The following FER1L6 variants were observed in gnomAD, a reference collection of about 807,000 sequenced individuals.
The protein encoded by FER1L6 is fer-1-like protein 6.
Under a neutral mutation model 219.2 loss-of-function variants are expected in FER1L6, and 177 were observed. The observed-to-expected ratio is 0.81, with a 90% confidence interval of 0.71 to 0.91. The LOEUF is 0.91. Among genes scored for constraint, FER1L6 ranks in the 40% least tolerant of loss-of-function variants. FER1L6 has a pLI of 0.00. For synonymous variants in FER1L6, 768 were observed against 824.3 expected, an observed-to-expected ratio of 0.93 and a Z score of 1.17; for missense variants, 2,153 against 2,259.9, an observed-to-expected ratio of 0.95 and a Z score of 0.96.
chr8:123,877,300 C>T (rs1186072911), intron 1 of FER1L6, among the ~76,000 whole-genome samples: 1 of 152,214 alleles, frequency 6.6e-6, no homozygotes, highest in African/African-American at 2.4e-5. Flanking sequence ...TTTATCCAAC[C>T]CTCCTCTGTT....
At position 123,880,634 on chromosome 8, in the gene FER1L6, C is replaced by T. The variant is rs375791555; in HGVS notation, c.-8+28449C>T. Among the ~76,000 whole-genome samples the T allele has an allele frequency of 7.9e-5, 12 of 152,250 alleles. No individual in the cohort carries two copies. The East Asian group carries it at 1.7e-3, about 22-fold the overall frequency. On this transcript the variant is annotated intron_variant, in intron 1 of 40. Coordinates refer to ENST00000522917, the MANE Select transcript of FER1L6 (RefSeq NM_001039112.2). ...AAGTGGTTTCTATTACTTCAGCCCA[C>T]GTCCCCAACCTTGCGGCACTCAGCT... is the stretch of plus-strand genomic sequence containing the variant.
At chr8:124,089,896 A>G (rs1325413488) in intron 33 of FER1L6, among the ~76,000 whole-genome samples, 4 of 146,782 alleles carry the variant, frequency 2.7e-5, no homozygotes, top group African/African-American at 7.3e-5. Flanking sequence ...CATTATTTCA[A>G]TATATCTGTA....
In FER1L6 at chr8:123,949,935, A is replaced by C. The variant is rs550675785; in HGVS notation, c.-7-6057A>C. 1.2e-4 allele frequency among the ~76,000 whole-genome samples: 19 copies of C among 152,326 alleles called. No individual in the cohort carries two copies. In the East Asian group the frequency reaches 3.5e-3, roughly 28 times the overall value. ...AAAAAAGATAGGAGTTTGAAGATTC[A>C]TTTATGCTGGGACAAAGGGAGAAAG... On this transcript the variant is annotated intron_variant, in intron 1 of 40. Transcript: ENST00000522917.
At chr8:123,912,070 A>G (rs1016339913) in intron 1 of FER1L6, among the ~76,000 whole-genome samples, 2 of 152,104 alleles carry the variant, frequency 1.3e-5, no homozygotes, top group African/African-American at 2.4e-5. Context: ...TTGTTTAGCA[A>G]CTTCTGGCAT....
intron 28 of FER1L6, 58 bp downstream of exon 28, chr8:124,067,864 T>G: frequency 1.4e-6 from 2 of 1,456,772 alleles, no homozygotes; most frequent in Non-Finnish European, 1.9e-6. Context: ...TACGAGAAAA[T>G]TGTAAAATGG....
chr8:124,097,923 C>T lies in FER1L6; in HGVS notation c.4883+40C>T, dbSNP rs780924146. The stretch of plus-strand genomic sequence containing the variant: ...AAACTCCAACCTCCCATTTCCTTCC[C>T]TCCTCACCTTTTTAAACCCTAACTA... On this transcript the variant is annotated intron_variant, in intron 37 of 40. Transcript: ENST00000522917. The T allele has an allele frequency of 3.7e-6, 4 of 1,070,640 alleles. No individual in the cohort carries two copies. The East Asian group carries it at 7.1e-5, about 19-fold the overall frequency. 66.3% of individuals were successfully genotyped at this position (1,070,640 alleles called of 1,614,324 possible).
intron 1 of FER1L6, among the ~76,000 whole-genome samples, chr8:123,935,830 A>C (rs1213765953): frequency 6.6e-6 from 1 of 152,180 alleles, no homozygotes; most frequent in East Asian, 1.9e-4. Flanking sequence ...TTTGCCTTGC[A>C]CTAATTTTAA....
chr8:124,004,231 A>G (rs1019292633), intron 13 of FER1L6: 1 of 152,158 alleles, frequency 6.6e-6, no homozygotes, highest in Admixed American at 6.6e-5. Context: ...CAAAGTTTCA[A>G]CCTGCAAATA....
At chr8:124,116,750 G>T (rs1294978038) in intron 39 of FER1L6, among the ~76,000 whole-genome samples, 1 of 152,224 alleles carries the variant, frequency 6.6e-6, no homozygotes, top group Non-Finnish European at 1.5e-5. Context: ...ACTGGATGAA[G>T]TTCTTAGTGT....
chr8:124,074,194 T>C (rs1821185629), intron 31 of FER1L6, among the ~76,000 whole-genome samples: 1 of 152,362 alleles, frequency 6.6e-6, no homozygotes, highest in Non-Finnish European at 1.5e-5. Context: ...AGAATCAGAC[T>C]TTACTCTCAG....
At chr8:124,059,741 G>A (rs1327990719) in intron 22 of FER1L6, among the ~76,000 whole-genome samples, 2 of 152,236 alleles carry the variant, frequency 1.3e-5, no homozygotes, top group Non-Finnish European at 2.9e-5. Flanking sequence ...AGTATTAGTA[G>A]CAGTAGTAGT....
At chr8:123,879,547 C>T (rs919341312) in intron 1 of FER1L6, among the ~76,000 whole-genome samples, 1 of 151,980 alleles carries the variant, frequency 6.6e-6, no homozygotes, top group African/African-American at 2.4e-5. Context: ...GGATGGTCTC[C>T]GTCTCCTGAC....
At chr8:124,094,319 G>A (rs1422469230) in intron 34 of FER1L6, among the ~76,000 whole-genome samples, 1 of 152,020 alleles carries the variant, frequency 6.6e-6, no homozygotes. Flanking sequence ...GGTGGGTGGA[G>A]CCCCTACTCC....
At chr8:123,893,208 TG>T (rs1163000938) in intron 1 of FER1L6, among the ~76,000 whole-genome samples, 1 of 152,152 alleles carries the variant, frequency 6.6e-6, no homozygotes, top group Non-Finnish European at 1.5e-5. Context: ...CTTGCTTCTT[TG>T]GGGGAGTTCA....
chr8:123,942,599 T>C (rs1814284120), intron 1 of FER1L6, among the ~76,000 whole-genome samples: 2 of 152,206 alleles, frequency 1.3e-5, no homozygotes, highest in South Asian at 4.1e-4. Flanking sequence ...GGCTCCTTTG[T>C]TCCTTGTCTT....
intron 1 of FER1L6, among the ~76,000 whole-genome samples, chr8:123,915,657 T>C (rs1813166545): frequency 6.6e-6 from 1 of 152,200 alleles, no homozygotes; most frequent in African/African-American, 2.4e-5. Context: ...TCTTGATCTA[T>C]AATGAAACAG....
Position 123,975,984 on chromosome 8 carries a change from A to C in FER1L6, c.770A>C (p.Lys257Thr), listed in dbSNP as rs375588469. The change falls in exon 9 of 41, where the codon AAA becomes ACA. Residue 257 changes from lysine (K) to threonine (T), a missense_variant. Lys to Thr is a moderately conservative substitution (Grantham distance 78). Transcript: ENST00000522917. ...CTCTACAAAGCAGAAGGGTTGCCCA[A>C]AATGAATTCAAGCATCATGGCGAAC... Reference protein sequence around the residue: ...VRLYKAEGLPKMNSSIMANVT... With the variant: ...VRLYKAEGLPTMNSSIMANVT... The C allele has an allele frequency of 7.4e-6, 12 of 1,613,988 alleles. No individual in the cohort carries two copies. The highest frequency in any genetic ancestry group is 8.5e-7 in the Non-Finnish European group (1 of 1,179,986).
Position 124,119,931 on chromosome 8 carries a change from A to T in FER1L6, c.*141A>T. ...ACCCTTCTTGGAAGAGATGGAAAAG[A>T]AACATTTCCTCCCTGCTCCAACCCC... On this transcript the variant is annotated 3_prime_UTR_variant, in exon 41 of 41. Coordinates refer to ENST00000522917, the MANE Select transcript of FER1L6 (RefSeq NM_001039112.2). The T allele has an allele frequency of 3.5e-6, 3 of 851,536 alleles. No individual in the cohort carries two copies. The highest frequency in any genetic ancestry group is 2.5e-5 in the South Asian group (1 of 39,718). The allele number at this position is 851,536 out of a possible 1,614,324, so 52.7% of individuals were successfully genotyped here.
chr8:123,994,477 C>G (rs1327181316), intron 12 of FER1L6, among the ~76,000 whole-genome samples: 2 of 152,188 alleles, frequency 1.3e-5, no homozygotes, highest in African/African-American at 2.4e-5. Context: ...AAGCCCCACC[C>G]AGCTCCTACA....
Sources: gnomAD v4.1 joint callset for allele counts (sites outside exome capture counted in the v4.1 genomes callset) on GRCh38, gnomAD v4.1.1 for gene constraint, MANE v1.5 for transcripts, NCBI Gene and HGNC (gene_info 2026-07-23, HGNC 2026-07-21) for gene names.